RAD23A: variants seen among roughly 807,000 people sequenced by gnomAD.
The protein encoded by RAD23A is lysine-specific demethylase RAD23A.
RAD23A carries 16 observed loss-of-function variants against 44.8 expected under a neutral mutation model. The ratio of observed to expected loss-of-function variants is 0.36; its 90% confidence interval spans 0.24 to 0.54. The LOEUF (loss-of-function observed/expected upper bound fraction) is 0.54, where lower values mean the gene tolerates loss of function less well. RAD23A is among the 20% of genes least tolerant of loss of function. RAD23A has a pLI of 0.89. For synonymous variants in RAD23A, 217 were observed against 202.9 expected, an observed-to-expected ratio of 1.07 and a Z score of -0.59; for missense variants, 380 against 483.3, an observed-to-expected ratio of 0.79 and a Z score of 2.00.
rs1373780394 is a variant in RAD23A, at chr19:12,949,372, C to G, written c.777C>G (p.Leu259=). The part of the protein sequence containing the change: ...QQNPALLPAL[L]QQLGQENPQL... ...ACCCTGCGCTGCTGCCCGCCCTGCT[C>G]CAGCAGCTGGGCCAGGAGAACCCTC... Residue 259 remains leucine (L), a synonymous_variant, in exon 7 of 9, where the codon CTC becomes CTG. Coordinates refer to ENST00000586534, the MANE Select transcript of RAD23A (RefSeq NM_005053.4). The G allele has an allele frequency of 6.2e-7, 1 of 1,614,000 alleles. No individual in the cohort carries two copies. The highest frequency in any genetic ancestry group is 2.2e-5 in the East Asian group (1 of 44,878).
intron 1 of RAD23A, among the ~76,000 whole-genome samples, chr19:12,947,364 T>C (rs1971697381): frequency 6.6e-6 from 1 of 152,218 alleles, no homozygotes. Flanking sequence ...AGTTTGAGGC[T>C]GCAGTCAGCG....
intron 1 of RAD23A, among the ~76,000 whole-genome samples, chr19:12,946,834 A>G (rs1971685802): frequency 6.6e-6 from 1 of 152,226 alleles, no homozygotes; most frequent in Non-Finnish European, 1.5e-5. Context: ...GGAAACACAC[A>G]TTTTTTGATC....
Position 12,945,895 on chromosome 19 carries a change from T to C in RAD23A, c.-54T>C. On this transcript the variant is annotated 5_prime_UTR_variant, in exon 1 of 9. It removes the in-frame stop codon of an upstream open reading frame in the 5' UTR. Transcript: ENST00000586534. ...CCTGGGCGCTAAGATGGCGGCGGCG[T>C]GAGTTGCATGTTGTGTGAGGATCCC... The C allele has an allele frequency of 6.4e-7, 1 of 1,566,204 alleles. No homozygotes were observed. Among genetic ancestry groups the C allele is most frequent in the Non-Finnish European group, 8.7e-7 (1 of 1,146,376 alleles).
intron 8 of RAD23A, 32 bp from the exon 9 acceptor site, chr19:12,952,904 C>T (rs757558256): frequency 6.2e-7 from 1 of 1,611,952 alleles, no homozygotes; most frequent in African/African-American, 1.3e-5. Flanking sequence ...CCCCTACCCT[C>T]TCCTGCTCAC....
intron 7 of RAD23A, chr19:12,952,228 G>C (rs1028403315): frequency 1.3e-5 from 2 of 158,356 alleles, no homozygotes; most frequent in African/African-American, 4.9e-5. Flanking sequence ...ATTTATTCAA[G>C]ACAGGGTCTT....
At chr19:12,949,486 G>A in intron 7 of RAD23A, 78 bp downstream of exon 7, 1 of 1,561,878 alleles carries the variant, frequency 6.4e-7, no homozygotes, top group Non-Finnish European at 8.7e-7. Context: ...ATAACACGTA[G>A]GAATCGTTCT....
At chr19:12,949,440 A>G in intron 7 of RAD23A, 32 bp downstream of exon 7, 1 of 1,602,026 alleles carries the variant, frequency 6.2e-7, no homozygotes, top group Non-Finnish European at 8.5e-7. Context: ...GAGCTAGGGC[A>G]GCCACCATTT....
chr19:12,947,255 C>T (rs1403510770), intron 1 of RAD23A, among the ~76,000 whole-genome samples: 1 of 150,220 alleles, frequency 6.7e-6, no homozygotes, highest in Non-Finnish European at 1.5e-5. Context: ...AGACTCTTAT[C>T]TACAAAAAAA....
In RAD23A at chr19:12,953,254, G is replaced by A. The variant is rs907201315; in HGVS notation, c.*205G>A. ...TCCCGGGCCAGACAGCTGTCCCCCC[G>A]TCCTCCTCCCCAGCCCAGCCTGCTC... On this transcript the variant is annotated 3_prime_UTR_variant, in exon 9 of 9. Coordinates refer to ENST00000586534, the MANE Select transcript of RAD23A (RefSeq NM_005053.4). The A allele has an allele frequency of 5.0e-5, 21 of 417,598 alleles. No homozygotes were observed. The highest frequency in any genetic ancestry group is 3.3e-4 in the African/African-American group (16 of 48,238). 25.9% of individuals were successfully genotyped at this position (417,598 alleles called of 1,614,324 possible). A position where few individuals can be genotyped will look rare whatever the true frequency, so the allele number is the denominator to read the frequency against.
In RAD23A at chr19:12,953,261, T is replaced by G; in HGVS notation, c.*212T>G. The G allele has an allele frequency of 2.5e-6, 1 of 396,664 alleles. No homozygotes were observed. Among genetic ancestry groups the G allele is most frequent in the East Asian group, 4.3e-5 (1 of 23,504 alleles). The allele number at this position is 396,664 out of a possible 1,614,324, so 24.6% of individuals were successfully genotyped here. A position where few individuals can be genotyped will look rare whatever the true frequency, so the allele number is the denominator to read the frequency against. ...CCAGACAGCTGTCCCCCCGTCCTCCTCCCCAGCCCAGCCTGCTCAGAGAAG... is the reference window on the plus strand; with the variant it reads ...CCAGACAGCTGTCCCCCCGTCCTCCGCCCCAGCCCAGCCTGCTCAGAGAAG... On this transcript the variant is annotated 3_prime_UTR_variant, in exon 9 of 9. Transcript: ENST00000586534.
chr19:12,946,042 G>T, intron 1 of RAD23A, 22 bp downstream of exon 1: 2 of 1,580,290 alleles, frequency 1.3e-6, no homozygotes, highest in Non-Finnish European at 1.7e-6. Flanking sequence ...GCCGGAGCCC[G>T]GGGGCGGGAG....
In RAD23A at chr19:12,948,757, G is replaced by A. The variant is rs755757631; in HGVS notation, c.544G>A (p.Ala182Thr). ...SMGYERERVVAALRASYNNPH... is the reference protein window; with the variant it reads ...SMGYERERVVTALRASYNNPH... ...GGGCTATGAGCGAGAGCGGGTCGTG[G>A]CCGCCCTGAGAGCCAGCTACAACAA... Residue 182 changes from alanine (A) to threonine (T), a missense_variant, in exon 5 of 9, where the codon GCC becomes ACC. Around this residue, in one of 3 missense-constraint regions of RAD23A, gnomAD observed 279 missense variants for 313.7 expected, o/e 0.89. Transcript: ENST00000586534. This position sits in a 1 kb window ranked among gnomAD's most constrained non-coding sequence, Gnocchi z 5.5. 6 of 1,613,518 alleles carry A rather than the reference G, an allele frequency of 3.7e-6. No individual in the cohort carries two copies. The African/African-American group carries it at 5.3e-5, about 14-fold the overall frequency.
rs756498061 is a variant in RAD23A at position 12,948,863 on chromosome 19, C to T, written c.600+50C>T. 2.6e-6 allele frequency: 4 copies of T among 1,563,836 alleles called. No homozygotes were observed. The highest frequency in any genetic ancestry group is 2.4e-5 in the South Asian group (2 of 84,152). On this transcript the variant is annotated intron_variant, in intron 5 of 8. Coordinates refer to ENST00000586534, the MANE Select transcript of RAD23A (RefSeq NM_005053.4). The surrounding 1 kb of genome is among the most constrained non-coding windows in gnomAD (Gnocchi z 5.5). ...GGGAGGCCTTGAGGGAGTACCCGGG[C>T]GTCACTGCCCTGATGGGCGGTTGGG...
rs1971853545 is a variant in RAD23A at position 12,952,850 on chromosome 19, G to A, written c.975G>A (p.Glu325=). 6.2e-7 allele frequency: 1 copy of A among 1,602,962 alleles called. No homozygotes were observed. Among genetic ancestry groups the A allele is most frequent in the Non-Finnish European group, 8.5e-7 (1 of 1,173,526 alleles). Reference sequence around the variant, plus strand: ...CGCCGCAGGAGAAAGAAGCTATAGAGAGGGTAAGAGGCCTGGCTGAGGGGT... The same window carrying A: ...CGCCGCAGGAGAAAGAAGCTATAGAAAGGGTAAGAGGCCTGGCTGAGGGGT... ...QVTPQEKEAI[E]RLKALGFPES... is the part of the protein sequence containing the mutation. Residue 325 remains glutamate (E), a synonymous_variant, in exon 8 of 9, where the codon GAG becomes GAA. Transcript: ENST00000586534.
At chr19:12,950,580 T>A (rs1202970966) in intron 7 of RAD23A, among the ~76,000 whole-genome samples, 1 of 152,056 alleles carries the variant, frequency 6.6e-6, no homozygotes, top group Non-Finnish European at 1.5e-5. Context: ...TTTTTGTATT[T>A]TTAGTAGAGA....
intron 1 of RAD23A, 64 bp downstream of exon 1, chr19:12,946,084 G>GGGGGGC: frequency 2.1e-5 from 11 of 512,140 alleles, no homozygotes; most frequent in Non-Finnish European, 2.6e-5. Flanking sequence ...TGGGGGCGGG[G>GGGGGGC]AGGCTAGAAT....
intron 7 of RAD23A, among the ~76,000 whole-genome samples, chr19:12,950,311 C>T (rs947758294): frequency 6.6e-6 from 1 of 152,238 alleles, no homozygotes; most frequent in Non-Finnish European, 1.5e-5. Flanking sequence ...CCTCCCTGCA[C>T]TCCAGCTCTC....
In RAD23A at chr19:12,948,642, C is replaced by G; in HGVS notation, c.473-44C>G. 2 of 1,595,378 alleles carry G rather than the reference C, an allele frequency of 1.3e-6. No individual in the cohort carries two copies. The highest frequency in any genetic ancestry group is 1.7e-6 in the Non-Finnish European group (2 of 1,171,598). On this transcript the variant is annotated intron_variant, in intron 4 of 8. Transcript: ENST00000586534. This position sits in a 1 kb window ranked among gnomAD's most constrained non-coding sequence, Gnocchi z 5.5. ...GGTGCGGGAGGGCCTGGGAGCTGCC[C>G]TTTCCTCTTCCTGGTGACCTAGGCT...
intron 1 of RAD23A, among the ~76,000 whole-genome samples, chr19:12,947,071 G>T (rs1971691083): frequency 6.6e-6 from 1 of 152,106 alleles, no homozygotes; most frequent in South Asian, 2.1e-4. Context: ...TAAATAAAAT[G>T]AGACCAATTA....
Sources: allele counts gnomAD v4.1 joint callset (sites outside exome capture counted in the v4.1 genomes callset), GRCh38; gene constraint gnomAD v4.1.1; regional missense constraint gnomAD v4.1.1; non-coding constraint Gnocchi (gnomAD v3.1); transcripts MANE v1.5; gene names NCBI Gene and HGNC (gene_info 2026-07-23, HGNC 2026-07-21).